STON1: variants seen among roughly 807,000 people sequenced by gnomAD.
STON1 encodes stonin-1.
Under a neutral mutation model 60.9 loss-of-function variants are expected in STON1, and 79 were observed. The ratio of observed to expected loss-of-function variants is 1.30; its 90% CI spans 1.08 to 1.56. The LOEUF is 1.56. Among genes scored for constraint, STON1 ranks in the 40% most tolerant of loss-of-function variants. The pLI, the probability that STON1 is intolerant of heterozygous loss-of-function variation, is 0.00. For missense variants in STON1, 1,166 were observed against 858.9 expected (o/e 1.36, Z -4.47); for synonymous variants, 363 against 306.9 (o/e 1.18, Z -1.91).
intron 1 of STON1, among the ~76,000 whole-genome samples, chr2:48,567,400 A>T (rs372348079): frequency 6.6e-6 from 1 of 152,130 alleles, no homozygotes; most frequent in East Asian, 1.9e-4. Flanking sequence ...TACAGGAATG[A>T]TATTTTATTT....
chr2:48,532,735 G>C (rs1186782794), intron 1 of STON1, among the ~76,000 whole-genome samples: 1 of 152,124 alleles, frequency 6.6e-6, no homozygotes, highest in Non-Finnish European at 1.5e-5. Context: ...TGTAATGAAG[G>C]CCACGGGGGC....
At chr2:48,567,708 T>G (rs1373533125) in intron 1 of STON1, among the ~76,000 whole-genome samples, 1 of 152,186 alleles carries the variant, frequency 6.6e-6, no homozygotes, top group African/African-American at 2.4e-5. Flanking sequence ...TGGCCAGGAA[T>G]GGTATTTTAA....
chr2:48,579,198 T>G (rs1383036628), intron 1 of STON1, among the ~76,000 whole-genome samples: 3 of 151,856 alleles, frequency 2.0e-5, no homozygotes, highest in African/African-American at 7.3e-5. Flanking sequence ...AGAGATGGGG[T>G]TTCTCCATGT....
chr2:48,566,525 C>T (rs947715283), intron 1 of STON1, among the ~76,000 whole-genome samples: 6 of 151,762 alleles, frequency 4.0e-5, no homozygotes, highest in East Asian at 1.9e-4. Context: ...TCGGGTGATC[C>T]GCCCACCTCA....
At position 48,539,996 on chromosome 2, in the gene STON1, C is replaced by A. The variant is rs919385066; in HGVS notation, c.-48+9780C>A. 7.9e-5 allele frequency among the ~76,000 whole-genome samples: 12 copies of A among 152,096 alleles called. No individual in the cohort carries two copies. The East Asian group carries it at 2.3e-3, about 29-fold the overall frequency. On this transcript the variant is annotated intron_variant, in intron 1 of 3. Coordinates refer to ENST00000404752, the MANE Select transcript of STON1 (RefSeq NM_006873.4). ...GGTGTAAGGTGACCATCTCCTGGACCCCCTCACTGCATGTATGGTCATTAA... is the reference window on the plus strand; with the variant it reads ...GGTGTAAGGTGACCATCTCCTGGACACCCTCACTGCATGTATGGTCATTAA...
At chr2:48,568,582 A>C (rs568753931) in intron 1 of STON1, among the ~76,000 whole-genome samples, 1 of 152,270 alleles carries the variant, frequency 6.6e-6, no homozygotes, top group East Asian at 1.9e-4. Flanking sequence ...TCGCCACTAA[A>C]AGAGAGGCAG....
At chr2:48,565,345 C>T (rs979149679) in intron 1 of STON1, among the ~76,000 whole-genome samples, 1 of 152,174 alleles carries the variant, frequency 6.6e-6, no homozygotes, top group African/African-American at 2.4e-5. Context: ...AGCCACCGCG[C>T]CCAGCCTCCG....
intron 1 of STON1, among the ~76,000 whole-genome samples, chr2:48,562,095 A>G (rs1016981569): frequency 8.5e-5 from 13 of 152,192 alleles, no homozygotes; most frequent in Admixed American, 5.9e-4. Flanking sequence ...TCCTGACCTT[A>G]AGTAATCCAC....
At position 48,539,896 on chromosome 2, in the gene STON1, C is replaced by G. The variant is rs112272873; in HGVS notation, c.-48+9680C>G. 1.2e-3 allele frequency among the ~76,000 whole-genome samples: 182 copies of G among 152,186 alleles called. 2 individuals carry two copies. The highest frequency in any genetic ancestry group is 4.1e-3 in the African/African-American group (172 of 41,526). On this transcript the variant is annotated intron_variant, in intron 1 of 3. Coordinates refer to ENST00000404752, the MANE Select transcript of STON1 (RefSeq NM_006873.4). Reference sequence around the variant, plus strand: ...TTTCTCAGGTTAGTAAATGATGTTCCTCTAGACCTATTTCACATATGGAGC... The same window carrying G: ...TTTCTCAGGTTAGTAAATGATGTTCGTCTAGACCTATTTCACATATGGAGC...
intron 1 of STON1, among the ~76,000 whole-genome samples, chr2:48,556,719 C>T (rs1672371652): frequency 8.8e-5 from 1 of 11,364 alleles, no homozygotes; most frequent in Non-Finnish European, 2.1e-4. Context: ...CCTCACCTCC[C>T]GGACGGGGCG....
At chr2:48,542,623 G>C (rs1022832258) in intron 1 of STON1, among the ~76,000 whole-genome samples, 1 of 152,162 alleles carries the variant, frequency 6.6e-6, no homozygotes, top group African/African-American at 2.4e-5. Context: ...GGTCTAATCA[G>C]GCTAGGCATG....
chr2:48,565,334 G>A (rs1276801252), intron 1 of STON1, among the ~76,000 whole-genome samples: 3 of 152,120 alleles, frequency 2.0e-5, no homozygotes, highest in Admixed American at 6.5e-5. Flanking sequence ...TTACAGGCGT[G>A]AGCCACCGCG....
chr2:48,591,247 T>C (rs1422968359), intron 2 of STON1, among the ~76,000 whole-genome samples: 1 of 149,742 alleles, frequency 6.7e-6, no homozygotes. Flanking sequence ...GCAAATTATA[T>C]TAGTATAATA....
chr2:48,545,003 T>G (rs777768142), intron 1 of STON1, among the ~76,000 whole-genome samples: 1 of 152,242 alleles, frequency 6.6e-6, no homozygotes, highest in African/African-American at 2.4e-5. Flanking sequence ...CAGAGCCTTA[T>G]ACATTTTGTG....
At chr2:48,564,824 C>A (rs890436349) in intron 1 of STON1, among the ~76,000 whole-genome samples, 2 of 147,678 alleles carry the variant, frequency 1.4e-5, no homozygotes, top group Non-Finnish European at 3.0e-5. Flanking sequence ...CCTCTGCCTC[C>A]TGGGTCCAAG....
chr2:48,570,924 G>C (rs965357029), intron 1 of STON1, among the ~76,000 whole-genome samples: 1 of 141,238 alleles, frequency 7.1e-6, no homozygotes, highest in Non-Finnish European at 1.5e-5. Flanking sequence ...GTGCAGTGGA[G>C]TGATCTTGGC....
At chr2:48,554,508 C>T (rs1451005550) in intron 1 of STON1, among the ~76,000 whole-genome samples, 2 of 152,168 alleles carry the variant, frequency 1.3e-5, no homozygotes, top group Non-Finnish European at 2.9e-5. Context: ...CAGGCGTGAG[C>T]CATTGCGCCC....
At chr2:48,572,822 C>T (rs964297312) in intron 1 of STON1, among the ~76,000 whole-genome samples, 20 of 152,216 alleles carry the variant, frequency 1.3e-4, no homozygotes, top group African/African-American at 4.6e-4. Flanking sequence ...TGATTTCCTA[C>T]CTGTGAGCCT....
chr2:48,545,486 G>C (rs1013707272), intron 1 of STON1, among the ~76,000 whole-genome samples: 3 of 152,200 alleles, frequency 2.0e-5, no homozygotes, highest in Non-Finnish European at 4.4e-5. Context: ...CTGGCTTGCT[G>C]TCTGTCTAAC....
Sources: allele counts gnomAD v4.1 joint callset (sites outside exome capture counted in the v4.1 genomes callset), GRCh38; gene constraint gnomAD v4.1.1; transcripts MANE v1.5; gene names NCBI Gene and HGNC (gene_info 2026-07-23, HGNC 2026-07-21).